MYRIP: variants seen among roughly 807,000 people sequenced by gnomAD.
The protein encoded by MYRIP is myosin VIIA and Rab interacting protein.
In MYRIP, 49 loss-of-function variants were observed where a neutral mutation model predicts 98.0. The ratio of observed to expected loss-of-function variants is 0.50; its 90% CI spans 0.40 to 0.63. The LOEUF is 0.63. Among genes scored for constraint, MYRIP ranks in the 30% least tolerant of loss-of-function variants. MYRIP has a pLI of 0.00. For missense variants in MYRIP, 1,004 were observed against 1,058.2 expected (o/e 0.95, Z 0.71); for synonymous variants, 404 against 409.5 (o/e 0.99, Z 0.16).
chr3:40,126,158 A>G (rs949672535), intron 3 of MYRIP, among the ~76,000 whole-genome samples: 1 of 152,180 alleles, frequency 6.6e-6, no homozygotes, highest in Non-Finnish European at 1.5e-5. Context: ...CATGTTTCTT[A>G]AAGTGCAATC....
chr3:39,843,358 T>C (rs1239004570), intron 1 of MYRIP, among the ~76,000 whole-genome samples: 6 of 152,176 alleles, frequency 3.9e-5, no homozygotes, highest in East Asian at 1.9e-4. Flanking sequence ...TTTCACTATA[T>C]TGAGGCTTCG....
chr3:40,017,071 T>C (rs1422817688), intron 2 of MYRIP, among the ~76,000 whole-genome samples: 1 of 152,240 alleles, frequency 6.6e-6, no homozygotes, highest in South Asian at 2.1e-4. Context: ...TCTGTCTTTT[T>C]GAATTTACTA....
intron 2 of MYRIP, among the ~76,000 whole-genome samples, chr3:39,979,882 A>G (rs868423166): frequency 6.6e-6 from 1 of 152,348 alleles, no homozygotes; most frequent in South Asian, 2.1e-4. Context: ...GTAATGAAAA[A>G]TAAAGCCAGT....
At position 40,146,360 on chromosome 3, in the gene MYRIP, C is replaced by T. The variant is rs561354141; in HGVS notation, c.333-4688C>T. On this transcript the variant is annotated intron_variant, in intron 3 of 16. Coordinates refer to ENST00000302541, the MANE Select transcript of MYRIP (RefSeq NM_015460.4). ...GCAGAGGGAACAGCAAGATCAAAGC[C>T]AGTGTGAGCGTGTTTGTTAAAAGAC... Among the ~76,000 whole-genome samples the T allele has an allele frequency of 1.1e-4, 17 of 152,292 alleles. No homozygotes were observed. The South Asian group carries it at 2.7e-3, about 24-fold the overall frequency.
At chr3:39,888,478 G>A (rs1382370919) in intron 1 of MYRIP, among the ~76,000 whole-genome samples, 1 of 152,156 alleles carries the variant, frequency 6.6e-6, no homozygotes, top group East Asian at 1.9e-4. Flanking sequence ...CTAGCCATAT[G>A]TAGAAAGCTG....
rs541588314 is a variant in MYRIP at position 40,165,685 on chromosome 3, A to G, written c.551-1161A>G. On this transcript the variant is annotated intron_variant, in intron 5 of 16. Transcript: ENST00000302541. ...TCTCAAGGGAAACAGAACTTTTCCC[A>G]GCACTTAGCTCCAAAAAGAACTTTG... 2.1e-4 allele frequency among the ~76,000 whole-genome samples: 32 copies of G among 152,020 alleles called. 1 individual carries two copies. In the East Asian group the frequency reaches 5.8e-3, roughly 28 times the overall value.
chr3:40,119,968 A>G (rs915801156), intron 3 of MYRIP, among the ~76,000 whole-genome samples: 2 of 152,074 alleles, frequency 1.3e-5, no homozygotes, highest in Admixed American at 6.6e-5. Flanking sequence ...ACAAAAAGAG[A>G]GGATATTGGC....
At chr3:40,243,017 G>A (rs1202342341) in intron 12 of MYRIP, among the ~76,000 whole-genome samples, 1 of 152,142 alleles carries the variant, frequency 6.6e-6, no homozygotes, top group Non-Finnish European at 1.5e-5. Flanking sequence ...AGATTAAATT[G>A]TGAAGATCTC....
intron 2 of MYRIP, among the ~76,000 whole-genome samples, chr3:39,975,973 C>T (rs1341763889): frequency 1.3e-5 from 2 of 152,190 alleles, no homozygotes; most frequent in South Asian, 4.1e-4. Flanking sequence ...CAATACCATT[C>T]AGGACATAGG....
chr3:40,209,935 C>T lies in MYRIP; in HGVS notation c.1747C>T (p.Arg583Trp), dbSNP rs771346658. 6.4e-5 allele frequency: 104 copies of T among 1,613,660 alleles called. No individual in the cohort carries two copies. Among genetic ancestry groups the T allele is most frequent in the South Asian group, 1.3e-4 (12 of 91,072 alleles). The change falls in exon 11 of 17, where the codon CGG (arginine) becomes TGG (tryptophan). Residue 583 changes from arginine (R) to tryptophan (W), a missense_variant. Physicochemically the swap from Arg to Trp is moderately radical, Grantham distance 101 (BLOSUM62 -3). This residue lies in a region of MYRIP where 880 missense variants were observed against 907.7 expected (regional missense o/e 0.97). Coordinates refer to ENST00000302541, the MANE Select transcript of MYRIP (RefSeq NM_015460.4). ...QTLTDTTEEK[R>W]RNRLYELAMK... is the part of the protein sequence containing the mutation. ...TCTCACAGACACCACAGAGGAGAAA[C>T]GGAGAAACAGGCTGTACGAGTTAGC...
At chr3:40,059,123 T>A (rs149908557) in intron 3 of MYRIP, among the ~76,000 whole-genome samples, 86 of 152,354 alleles carry the variant, frequency 5.6e-4, no homozygotes, top group African/African-American at 1.9e-3. Flanking sequence ...CATCCTTTTT[T>A]GTGGCTGCAT....
intron 2 of MYRIP, among the ~76,000 whole-genome samples, chr3:39,956,620 T>A (rs575808060): frequency 6.6e-6 from 1 of 152,004 alleles, no homozygotes; most frequent in East Asian, 1.9e-4. Flanking sequence ...TTAAAAGAAC[T>A]AGAGAAGCAA....
At chr3:39,957,844 A>T (rs1945208281) in intron 2 of MYRIP, among the ~76,000 whole-genome samples, 1 of 152,228 alleles carries the variant, frequency 6.6e-6, no homozygotes, top group Non-Finnish European at 1.5e-5. Context: ...CAGGATACAA[A>T]ATCAATGTGC....
intron 2 of MYRIP, among the ~76,000 whole-genome samples, chr3:39,948,923 T>A (rs1271606705): frequency 1.3e-5 from 2 of 151,998 alleles, no homozygotes; most frequent in Non-Finnish European, 2.9e-5. Context: ...AAGATTTGCT[T>A]CTAAGGAATA....
chr3:40,241,612 C>T (rs1953017062), intron 12 of MYRIP, among the ~76,000 whole-genome samples: 1 of 152,140 alleles, frequency 6.6e-6, no homozygotes, highest in Admixed American at 6.5e-5. Context: ...CTGTTTAACA[C>T]TCTTTATTCT....
intron 2 of MYRIP, among the ~76,000 whole-genome samples, chr3:39,931,404 T>C (rs1040836431): frequency 2.0e-5 from 3 of 152,048 alleles, no homozygotes; most frequent in Non-Finnish European, 4.4e-5. Context: ...TGAATTTATT[T>C]ATTAGTTCTG....
intron 10 of MYRIP, among the ~76,000 whole-genome samples, chr3:40,207,507 TA>T (rs1369949974): frequency 6.6e-6 from 1 of 152,234 alleles, no homozygotes; most frequent in Non-Finnish European, 1.5e-5. Flanking sequence ...TATTCAGTGA[TA>T]TTTTTCATTT....
chr3:39,998,356 G>A (rs890136855), intron 2 of MYRIP, among the ~76,000 whole-genome samples: 2 of 152,144 alleles, frequency 1.3e-5, no homozygotes, highest in Admixed American at 6.6e-5. Context: ...AAATCAATCT[G>A]CAAAAATCAC....
At chr3:39,815,178 A>G (rs1940858392) in intron 1 of MYRIP, among the ~76,000 whole-genome samples, 3 of 152,254 alleles carry the variant, frequency 2.0e-5, no homozygotes, top group African/African-American at 7.2e-5. Context: ...TTATCCCTCC[A>G]CGCACCCTGC....
Sources: allele counts gnomAD v4.1 joint callset (sites outside exome capture counted in the v4.1 genomes callset), GRCh38; gene constraint gnomAD v4.1.1; regional missense constraint gnomAD v4.1.1; transcripts MANE v1.5; gene names NCBI Gene and HGNC (gene_info 2026-07-23, HGNC 2026-07-21).